PLEKHA8: variants seen among roughly 807,000 people sequenced by gnomAD.
PLEKHA8 encodes the protein pleckstrin homology domain-containing family A member 8.
In PLEKHA8, 36 loss-of-function variants were observed where a neutral mutation model predicts 68.2. The ratio of observed to expected loss-of-function variants is 0.53; its 90% CI spans 0.40 to 0.70. The LOEUF (loss-of-function observed/expected upper bound fraction) is 0.70, where lower values mean the gene tolerates loss of function less well. Among genes scored for constraint, PLEKHA8 ranks in the 30% least tolerant of loss-of-function variants. The pLI, the probability that PLEKHA8 is intolerant of heterozygous loss-of-function variation, is 0.00. For synonymous variants in PLEKHA8, 211 were observed against 216.1 expected, an observed-to-expected ratio of 0.98 and a Z score of 0.20; for missense variants, 505 against 615.4, an observed-to-expected ratio of 0.82 and a Z score of 1.90.
At chr7:30,127,714 A>C (rs1796798977) in intron 13 of PLEKHA8, among the ~76,000 whole-genome samples, 1 of 152,204 alleles carries the variant, frequency 6.6e-6, no homozygotes, top group African/African-American at 2.4e-5. Flanking sequence ...TAGAACACTT[A>C]TAGGAATGTA....
chr7:30,060,576 G>A (rs1187599447), intron 9 of PLEKHA8, among the ~76,000 whole-genome samples: 1 of 152,152 alleles, frequency 6.6e-6, no homozygotes, highest in East Asian at 1.9e-4. Context: ...GTACTAACTA[G>A]CCACATATCT....
chr7:30,061,865 A>G, intron 10 of PLEKHA8, 32 bp from the exon 11 acceptor site: 1 of 1,612,252 alleles, frequency 6.2e-7, no homozygotes, highest in Non-Finnish European at 8.5e-7. Flanking sequence ...TCAGCATTTT[A>G]AACTTAGGTT....
At position 30,082,561 on chromosome 7, in the gene PLEKHA8, G is replaced by GA. The variant is rs949139824; in HGVS notation, c.*3781dup. ...AGATGATTATTAGAGGAGTGCAGCG[G>GA]AAAAAAATTTGCACTCTTCTCCTTT... On this transcript the variant is annotated 3_prime_UTR_variant, in exon 14 of 14. Coordinates refer to ENST00000449726, the MANE Select transcript of PLEKHA8 (RefSeq NM_001197026.2). The GA allele has an allele frequency of 7.1e-6, 7 of 985,136 alleles. No homozygotes were observed. In the African/African-American group the frequency reaches 1.2e-4, roughly 17 times the overall value. The allele number at this position is 985,136 out of a possible 1,614,324, so 61.0% of individuals were successfully genotyped here. A position where few individuals can be genotyped will look rare whatever the true frequency, so the allele number is the denominator to read the frequency against.
At position 30,116,235 on chromosome 7, in the gene PLEKHA8, T is replaced by C. The variant is rs559344690; in HGVS notation, c.1363-13031T>C. On this transcript the variant is annotated intron_variant, in intron 13 of 13. Transcript: ENST00000396257. ...ATACATATGTATATACGTATACATG[T>C]ATGCGTATACATGTACACGTATACA... 4.0e-5 allele frequency among the ~76,000 whole-genome samples: 6 copies of C among 149,300 alleles called. No individual in the cohort carries two copies. In the East Asian group the frequency reaches 7.8e-4, roughly 20 times the overall value.
At chr7:30,036,982 C>G (rs1389189979) in intron 1 of PLEKHA8, among the ~76,000 whole-genome samples, 2 of 152,136 alleles carry the variant, frequency 1.3e-5, no homozygotes, top group Non-Finnish European at 2.9e-5. Context: ...CTTTGCTGTC[C>G]GCATCCCTGT....
intron 12 of PLEKHA8, chr7:30,069,854 A>C (rs2127993185): frequency 6.6e-6 from 1 of 152,314 alleles, no homozygotes; most frequent in Middle Eastern, 3.4e-3. Context: ...CTTCCTACTT[A>C]GAAATTTTGA....
At chr7:30,106,928 C>T (rs55894231) in intron 13 of PLEKHA8, among the ~76,000 whole-genome samples, 25,179 of 152,130 alleles carry the variant, frequency 0.17, 2,111 homozygotes, top group Middle Eastern at 0.22. Context: ...GATTTTGATA[C>T]CTGCCAGGGT....
At chr7:30,061,031 G>A in intron 10 of PLEKHA8, 89 bp downstream of exon 10, 2 of 1,199,730 alleles carry the variant, frequency 1.7e-6, no homozygotes, top group Admixed American at 1.9e-5. Context: ...AAATCAAAAA[G>A]TGAAAAATGT....
downstream of PLEKHA8, among the ~76,000 whole-genome samples, chr7:30,088,283 T>C (rs1795257619): frequency 6.6e-6 from 1 of 152,258 alleles, no homozygotes; most frequent in Admixed American, 6.5e-5. Context: ...TAGGTGCTTA[T>C]ATATATCAAA....
At chr7:30,105,074 T>C (rs1233269201) in intron 13 of PLEKHA8, among the ~76,000 whole-genome samples, 1 of 152,000 alleles carries the variant, frequency 6.6e-6, no homozygotes, top group African/African-American at 2.4e-5. Context: ...ATCTTGCTAG[T>C]GGTATGGGTT....
chr7:30,086,478 G>A (rs1795186672), downstream of PLEKHA8, among the ~76,000 whole-genome samples: 1 of 152,196 alleles, frequency 6.6e-6, no homozygotes, highest in African/African-American at 2.4e-5. Flanking sequence ...GCTGTCCAGA[G>A]GGTGAACAGA....
chr7:30,037,951 C>T (rs1791229799), intron 1 of PLEKHA8, among the ~76,000 whole-genome samples: 1 of 152,058 alleles, frequency 6.6e-6, no homozygotes, highest in African/African-American at 2.4e-5. Flanking sequence ...CCCCCAACCC[C>T]CTCTTAAGGA....
rs1490732883 is a variant in PLEKHA8, at chr7:30,081,922, A to G, written c.*3135A>G. 1.0e-6 allele frequency: 1 copy of G among 973,228 alleles called. No individual in the cohort carries two copies. Among genetic ancestry groups the G allele is most frequent in the East Asian group, 1.1e-4 (1 of 8,762 alleles). The allele number at this position is 973,228 out of a possible 1,614,324, so 60.3% of individuals were successfully genotyped here. A position where few individuals can be genotyped will look rare whatever the true frequency, so the allele number is the denominator to read the frequency against. On this transcript the variant is annotated 3_prime_UTR_variant, in exon 14 of 14. Transcript: ENST00000449726. The stretch of plus-strand genomic sequence containing the variant: ...ATGATGGCAAGTCTCTTGACTTTTG[A>G]AAGCAAGTCAGATTCCTTATAGCTA...
At chr7:30,090,227 T>C (rs1403859712) in exon 13 of PLEKHA8, 2 of 1,540,130 alleles carry the variant, frequency 1.3e-6, no homozygotes, top group Admixed American at 2.1e-5. Flanking sequence ...GAAGAAAGAA[T>C]TCCTCACCAT....
chr7:30,121,397 G>A (rs1413352167), intron 13 of PLEKHA8, among the ~76,000 whole-genome samples: 6 of 152,290 alleles, frequency 3.9e-5, no homozygotes, highest in Non-Finnish European at 5.9e-5. Flanking sequence ...GGGTCGCTGA[G>A]GCGGGCAGAT....
At chr7:30,050,333 G>T in intron 5 of PLEKHA8, 101 bp from the exon 6 acceptor site, 1 of 1,415,564 alleles carries the variant, frequency 7.1e-7, no homozygotes, top group South Asian at 1.5e-5. Context: ...TGTATTTTAT[G>T]GTCATATGGT....
chr7:30,073,172 A>G (rs186527128), intron 12 of PLEKHA8, among the ~76,000 whole-genome samples: 113 of 152,336 alleles, frequency 7.4e-4, no homozygotes, highest in African/African-American at 2.6e-3. Flanking sequence ...TTTTATTAAT[A>G]TAGTTCTCAC....
At chr7:30,058,995 C>G (rs1793219799) in intron 9 of PLEKHA8, among the ~76,000 whole-genome samples, 1 of 152,194 alleles carries the variant, frequency 6.6e-6, no homozygotes, top group Admixed American at 6.5e-5. Context: ...ATGGCGCAAG[C>G]CTGTAGTCCC....
chr7:30,126,676 C>G (rs1232424120), intron 13 of PLEKHA8, among the ~76,000 whole-genome samples: 1 of 152,210 alleles, frequency 6.6e-6, no homozygotes, highest in Non-Finnish European at 1.5e-5. Flanking sequence ...GTTTGATGGA[C>G]TCACAGTTCC....
Sources: gnomAD v4.1 joint callset for allele counts (sites outside exome capture counted in the v4.1 genomes callset) on GRCh38, gnomAD v4.1.1 for gene constraint, MANE v1.5 for transcripts, NCBI Gene and HGNC (gene_info 2026-07-23, HGNC 2026-07-21) for gene names.